Variants in SNX25 observed in about 807,000 individuals in gnomAD.
SNX25 encodes sorting nexin 25, also known as sorting nexin-25.
A neutral mutation model predicts 113.7 loss-of-function variants in SNX25; 62 were observed. The observed-to-expected ratio is 0.55, with a 90% CI of 0.44 to 0.67. SNX25 has a LOEUF of 0.67. Among genes scored for constraint, SNX25 ranks in the 30% least tolerant of loss-of-function variants. The pLI is 0.00. For synonymous variants in SNX25, 421 were observed against 436.2 expected (o/e 0.97, Z 0.43); for missense variants, 1,014 against 1,161.0 (o/e 0.87, Z 1.84).
intron 14 of SNX25, among the ~76,000 whole-genome samples, chr4:185,352,823 C>T (rs1031341116): frequency 6.6e-6 from 1 of 152,228 alleles, no homozygotes; most frequent in Non-Finnish European, 1.5e-5. Context: ...CAGTGCCCAT[C>T]CTCAGCTGCC....
chr4:185,326,287 A>C (rs2095156828), intron 9 of SNX25, among the ~76,000 whole-genome samples: 1 of 152,172 alleles, frequency 6.6e-6, no homozygotes, highest in Non-Finnish European at 1.5e-5. Context: ...GTCCTGCTTG[A>C]CATTAATGAA....
At chr4:185,229,597 C>T (rs1741522279) in intron 1 of SNX25, among the ~76,000 whole-genome samples, 1 of 152,092 alleles carries the variant, frequency 6.6e-6, no homozygotes. Context: ...TTGATTTGCC[C>T]ACGGCTGTCT....
At chr4:185,375,487 A>AAAAAACTATATAT in the SNX25 span, 1 of 12,010 alleles carries the variant, frequency 8.3e-5, no homozygotes, top group Non-Finnish European at 1.5e-4. Flanking sequence ...AAAAAAAAAA[A>AAAAAACTATATAT]ATATATATAT....
rs746941739 is a variant in SNX25, at chr4:185,353,529, T to A, written c.2511T>A (p.Asp837Glu). 69 of 1,614,168 alleles carry A rather than the reference T, an allele frequency of 4.3e-5. No individual in the cohort carries two copies. Among genetic ancestry groups the A allele is most frequent in the Non-Finnish European group, 5.6e-5 (66 of 1,180,020 alleles). Residue 837 changes from aspartate to glutamate, a missense_variant, in exon 15 of 19, where the codon GAT (aspartate) becomes GAA (glutamate). Coordinates refer to ENST00000652585, the MANE Select transcript of SNX25 (RefSeq NM_001378034.2). ...EDSDLSDYGD[D>E]VDGRKDALAE... Reference sequence around the variant, plus strand: ...GTGACCTGTCAGATTATGGTGATGATGTGGATGGGAGGAAAGACGCCTTGG... The same window carrying A: ...GTGACCTGTCAGATTATGGTGATGAAGTGGATGGGAGGAAAGACGCCTTGG...
intron 1 of SNX25, among the ~76,000 whole-genome samples, chr4:185,224,545 A>G (rs1740638583): frequency 9.0e-6 from 1 of 111,384 alleles, no homozygotes; most frequent in Admixed American, 1.1e-4. Context: ...ATAAATATAT[A>G]TACATATATA....
At chr4:185,376,832 ACT>A in the SNX25 span, 19 of 980,402 alleles carry the variant, frequency 1.9e-5, no homozygotes, top group East Asian at 1.2e-4. Context: ...ACAGTAAGAA[ACT>A]CTACATGAAA....
chr4:185,221,110 G>A (rs1409741322), intron 1 of SNX25, among the ~76,000 whole-genome samples: 8 of 151,032 alleles, frequency 5.3e-5, no homozygotes, highest in Non-Finnish European at 7.4e-5. Context: ...TTGGCTCACC[G>A]CAACCTCCAC....
intron 1 of SNX25, among the ~76,000 whole-genome samples, chr4:185,227,231 A>C (rs1741149873): frequency 6.6e-6 from 1 of 152,188 alleles, no homozygotes; most frequent in African/African-American, 2.4e-5. Flanking sequence ...GGCATGGGGG[A>C]CAGGATTTCT....
intron 1 of SNX25, among the ~76,000 whole-genome samples, chr4:185,246,112 C>T (rs1372194971): frequency 2.6e-5 from 4 of 152,102 alleles, no homozygotes; most frequent in Admixed American, 6.5e-5. Flanking sequence ...ATGGGAAAAA[C>T]CCATCTCTAC....
chr4:185,272,768 G>C lies in SNX25; in HGVS notation c.1091+5613G>C, dbSNP rs978197036. ...CTGGTTGTACTATTTGAGATATATGGAAACTCTGTTGAGGAGAATATTGAC... is the reference window on the plus strand; with the variant it reads ...CTGGTTGTACTATTTGAGATATATGCAAACTCTGTTGAGGAGAATATTGAC... On this transcript the variant is annotated intron_variant, in intron 5 of 18. Transcript: ENST00000652585. Among the ~76,000 whole-genome samples the C allele has an allele frequency of 2.0e-5, 3 of 152,138 alleles. No homozygotes were observed. In the South Asian group the frequency reaches 6.2e-4, roughly 31 times the overall value.
intron 6 of SNX25, among the ~76,000 whole-genome samples, chr4:185,302,338 G>T (rs1254350825): frequency 6.6e-6 from 1 of 152,158 alleles, no homozygotes; most frequent in African/African-American, 2.4e-5. Context: ...AAGCTGGTTG[G>T]TCAGAAGTTC....
chr4:185,295,711 A>G (rs764592605), intron 6 of SNX25: 8 of 152,076 alleles, frequency 5.3e-5, no homozygotes, highest in Non-Finnish European at 7.3e-5. Flanking sequence ...CGGCCTCTCA[A>G]AGTGCTGTGA....
intron 6 of SNX25, among the ~76,000 whole-genome samples, chr4:185,301,024 C>T (rs572510017): frequency 1.3e-5 from 2 of 152,210 alleles, no homozygotes; most frequent in African/African-American, 4.8e-5. Flanking sequence ...TTCACCTGCC[C>T]AAGGCAGGAC....
chr4:185,303,118 G>A (rs779860283), intron 6 of SNX25, among the ~76,000 whole-genome samples: 1 of 152,134 alleles, frequency 6.6e-6, no homozygotes, highest in African/African-American at 2.4e-5. Context: ...ACACAAATCC[G>A]AAACTTGAGC....
At chr4:185,301,611 G>C (rs1753689069) in intron 6 of SNX25, among the ~76,000 whole-genome samples, 1 of 152,018 alleles carries the variant, frequency 6.6e-6, no homozygotes, top group Non-Finnish European at 1.5e-5. Context: ...TTTTGAGACA[G>C]AGTCTCACTC....
At chr4:185,253,453 T>TTC (rs1270593428) in intron 2 of SNX25, among the ~76,000 whole-genome samples, 1 of 151,654 alleles carries the variant, frequency 6.6e-6, no homozygotes, top group Non-Finnish European at 1.5e-5. Flanking sequence ...ATTTCAGACT[T>TTC]TTTTTTCTTT....
At chr4:185,284,017 T>G (rs1751006249) in intron 5 of SNX25, among the ~76,000 whole-genome samples, 1 of 152,236 alleles carries the variant, frequency 6.6e-6, no homozygotes, top group East Asian at 1.9e-4. Context: ...TTTTACCTGT[T>G]AAGTGTTAGA....
At chr4:185,207,210 CTTTTTTTTTT>C (rs34373262), upstream of SNX25, among the ~76,000 whole-genome samples, 4 of 76,814 alleles carry the variant, frequency 5.2e-5, no homozygotes, top group African/African-American at 1.5e-4. Flanking sequence ...ACCAGTCACA[CTTTTTTTTTT>C]TTTTTTTTTT....
intron 1 of SNX25, among the ~76,000 whole-genome samples, chr4:185,225,823 C>A (rs569525175): frequency 5.9e-5 from 9 of 152,304 alleles, no homozygotes; most frequent in African/African-American, 1.9e-4. Context: ...ACCATGTGCT[C>A]AGGCTATAAA....
Sources: allele counts gnomAD v4.1 joint callset (sites outside exome capture counted in the v4.1 genomes callset), GRCh38; gene constraint gnomAD v4.1.1; transcripts MANE v1.5; gene names NCBI Gene and HGNC (gene_info 2026-07-23, HGNC 2026-07-21).